Variants in C2CD5 observed in about 807,000 individuals in gnomAD.
The protein encoded by C2CD5 is C2 domain-containing protein 5.
In C2CD5, 109 loss-of-function variants were observed where a neutral mutation model predicts 130.3. The ratio of observed to expected loss-of-function variants is 0.84; its 90% CI spans 0.72 to 0.98. C2CD5 has a LOEUF of 0.98. Among genes scored for constraint, C2CD5 ranks in the 50% least tolerant of loss-of-function variants. C2CD5 has a pLI of 0.00. For synonymous variants in C2CD5, 454 were observed against 429.2 expected, an observed-to-expected ratio of 1.06 and a Z score of -0.71; for missense variants, 996 against 1,261.8, an observed-to-expected ratio of 0.79 and a Z score of 3.19.
At position 22,525,617 on chromosome 12, in the gene C2CD5, G is replaced by C; in HGVS notation, c.438C>G (p.Phe146Leu). 6.7e-7 allele frequency: 1 copy of C among 1,486,034 alleles called. No homozygotes were observed. The highest frequency in any genetic ancestry group is 9.4e-7 in the Non-Finnish European group (1 of 1,064,040). The allele number at this position is 1,486,034 out of a possible 1,614,324, so 92.1% of individuals were successfully genotyped here. ...TAGAATGTATTTACTTACTGCAAAA[G>C]AATTTGACTCCACATGATGACTGCC... ...RFRQSSCGVKFFCTTSIPKCY... is the reference protein window; with the variant it reads ...RFRQSSCGVKLFCTTSIPKCY... Residue 146 changes from phenylalanine (F) to leucine (L), a missense_variant, in exon 5 of 27, where the codon TTC becomes TTG. By Grantham distance (22) the Phe-to-Leu change is conservative. Coordinates refer to ENST00000446597, the MANE Select transcript of C2CD5 (RefSeq NM_001286176.2).
chr12:22,451,157 G>A (rs1938511138), intron 26 of C2CD5, among the ~76,000 whole-genome samples: 1 of 151,782 alleles, frequency 6.6e-6, no homozygotes, highest in Admixed American at 6.6e-5. Context: ...CAGCAGACAA[G>A]GAGAGACTTT....
intron 5 of C2CD5, 82 bp downstream of exon 5, chr12:22,525,528 T>C: frequency 1.3e-6 from 1 of 784,500 alleles, no homozygotes; most frequent in Non-Finnish European, 2.3e-6. Context: ...GCTTTTCTAC[T>C]TGCCTTCTGA....
chr12:22,456,955 A>T lies in C2CD5; in HGVS notation c.2877+16T>A, dbSNP rs776819787. 1.1e-5 allele frequency: 16 copies of T among 1,476,068 alleles called. No individual in the cohort carries two copies. The highest frequency in any genetic ancestry group is 1.4e-5 in the Non-Finnish European group (15 of 1,093,754). The allele number at this position is 1,476,068 out of a possible 1,614,324, so 91.4% of individuals were successfully genotyped here. On this transcript the variant is annotated intron_variant, in intron 25 of 26. Transcript: ENST00000446597. ...AGAAAATTTTTTAAAAAATGAAATA[A>T]CTTCTATAAAATTACCTCCCGAAGA... is the stretch of plus-strand genomic sequence containing the variant.
chr12:22,491,517 T>G (rs1591823248), intron 11 of C2CD5, among the ~76,000 whole-genome samples: 1 of 152,268 alleles, frequency 6.6e-6, no homozygotes, highest in East Asian at 1.9e-4. Context: ...AATCTTAAAA[T>G]TTATTTTACA....
At chr12:22,495,275 T>C (rs1946868673) in intron 10 of C2CD5, among the ~76,000 whole-genome samples, 1 of 152,098 alleles carries the variant, frequency 6.6e-6, no homozygotes, top group South Asian at 2.1e-4. Context: ...CCACAAGTAA[T>C]ACATGGTGGC....
intron 19 of C2CD5, 133 bp from the exon 20 acceptor site, chr12:22,471,621 T>C (rs905994607): frequency 3.9e-6 from 2 of 511,722 alleles, no homozygotes; most frequent in African/African-American, 3.9e-5. Flanking sequence ...TTTTGTTTTG[T>C]GTATTTTTAC....
Position 22,506,835 on chromosome 12 carries a change from A to G in C2CD5, c.1039-16T>C, listed in dbSNP as rs1215054238. The G allele has an allele frequency of 7.0e-7, 1 of 1,432,784 alleles. No individual in the cohort carries two copies. The highest frequency in any genetic ancestry group is 9.9e-7 in the Non-Finnish European group (1 of 1,014,910). 88.8% of individuals were successfully genotyped at this position (1,432,784 alleles called of 1,614,324 possible). On this transcript the variant is annotated splice_polypyrimidine_tract_variant and intron_variant, in intron 9 of 26. Transcript: ENST00000446597. The stretch of plus-strand genomic sequence containing the variant: ...ATGGAAATTCCTAGTGGAAAGAATA[A>G]GGGAAAAATACAACTTATCGTGTGT...
chr12:22,507,059 GA>G (rs1231367406), intron 9 of C2CD5: 50 of 299,170 alleles, frequency 1.7e-4, no homozygotes, highest in South Asian at 2.7e-4. Context: ...TCTCAATGAA[GA>G]AAAAAAAAGT....
In C2CD5 at chr12:22,525,605, CT is replaced by C; in HGVS notation, c.445+4del. The C allele has an allele frequency of 7.5e-7, 1 of 1,335,280 alleles. No homozygotes were observed. Among genetic ancestry groups the C allele is most frequent in the Non-Finnish European group, 1.1e-6 (1 of 926,834 alleles). The allele number at this position is 1,335,280 out of a possible 1,614,324, so 82.7% of individuals were successfully genotyped here. A position where few individuals can be genotyped will look rare whatever the true frequency, so the allele number is the denominator to read the frequency against. ...CCTGTTGAGTAATAGAATGTATTTACTTACTGCAAAAGAATTTGACTCCACA... is the reference window on the plus strand; with the variant it reads ...CCTGTTGAGTAATAGAATGTATTTACTACTGCAAAAGAATTTGACTCCACA... On this transcript the variant is annotated splice_donor_region_variant and intron_variant, in intron 5 of 26. Coordinates refer to ENST00000446597, the MANE Select transcript of C2CD5 (RefSeq NM_001286176.2).
intron 9 of C2CD5, among the ~76,000 whole-genome samples, chr12:22,511,537 G>T (rs1035550451): frequency 3.9e-5 from 6 of 152,130 alleles, no homozygotes; most frequent in Non-Finnish European, 7.4e-5. Context: ...GACTGACAAG[G>T]TTGTAAATGA....
chr12:22,504,260 A>C (rs1948178466), intron 10 of C2CD5, among the ~76,000 whole-genome samples: 1 of 151,834 alleles, frequency 6.6e-6, no homozygotes, highest in Non-Finnish European at 1.5e-5. Context: ...TAGCTTACTC[A>C]GAGTACATGG....
chr12:22,490,069 T>G, intron 12 of C2CD5, 54 bp downstream of exon 12: 1 of 1,323,860 alleles, frequency 7.6e-7, no homozygotes, highest in Non-Finnish European at 1.1e-6. Context: ...AGAAAAAAAG[T>G]CGACCTCTCC....
chr12:22,466,869 CTG>C (rs1232531754), intron 22 of C2CD5, among the ~76,000 whole-genome samples: 1 of 152,136 alleles, frequency 6.6e-6, no homozygotes, highest in Non-Finnish European at 1.5e-5. Flanking sequence ...ATGTGATGGT[CTG>C]ATGATGATGA....
In C2CD5 at chr12:22,482,657, T is replaced by C; in HGVS notation, c.1637A>G (p.His546Arg). 6.2e-7 allele frequency: 1 copy of C among 1,612,614 alleles called. No homozygotes were observed. The highest frequency in any genetic ancestry group is 8.5e-7 in the Non-Finnish European group (1 of 1,178,688). Residue 546 changes from histidine (H) to arginine (R), a missense_variant, in exon 14 of 27, where the codon CAT (histidine) becomes CGT (arginine). By Grantham distance (29) the His-to-Arg change is conservative. Around this residue, in one of 9 missense-constraint regions of C2CD5, gnomAD observed 590 missense variants for 631.4 expected, o/e 0.93. Transcript: ENST00000446597. ...NLLPFMEYEV[H>R]TQLMNKLKLK... ...TTTTAGTTTATTCATTAGCTGAGTA[T>C]GCACTTCATATTCCATAAATGGCAA...
Position 22,457,066 on chromosome 12 carries a change from T to C in C2CD5, c.2782A>G (p.Met928Val), listed in dbSNP as rs1309693117. 2.3e-5 allele frequency: 37 copies of C among 1,612,466 alleles called. No individual in the cohort carries two copies. Among genetic ancestry groups the C allele is most frequent in the Non-Finnish European group, 3.0e-5 (35 of 1,178,896 alleles). ...CANSTVGVVK[M>V]TPLSFIPGAK... ...CCAGGAATAAAAGAAAGAGGTGTCA[T>C]CTTAACAACCCCAACTGTGGAATTT... The change falls in exon 25 of 27, where the codon ATG becomes GTG. Residue 928 changes from methionine to valine, a missense_variant. Around this residue, in one of 9 missense-constraint regions of C2CD5, gnomAD observed 590 missense variants for 631.4 expected, o/e 0.93. Transcript: ENST00000446597.
At chr12:22,501,756 G>A (rs1330057023) in intron 10 of C2CD5, among the ~76,000 whole-genome samples, 1 of 151,990 alleles carries the variant, frequency 6.6e-6, no homozygotes, top group Non-Finnish European at 1.5e-5. Context: ...TCTACATGAT[G>A]AACATGATTT....
In C2CD5 at chr12:22,472,082, A is replaced by G. The variant is rs1266703997; in HGVS notation, c.2170-17T>C. Reference sequence around the variant, plus strand: ...AGTGAACATCTAAATGTGGGGTGACATAACATGTCATTTTATTATTTTTAA... The same window carrying G: ...AGTGAACATCTAAATGTGGGGTGACGTAACATGTCATTTTATTATTTTTAA... On this transcript the variant is annotated splice_polypyrimidine_tract_variant and intron_variant, in intron 18 of 26. Transcript: ENST00000446597. 1.5e-6 allele frequency: 2 copies of G among 1,343,964 alleles called. No homozygotes were observed. Among genetic ancestry groups the G allele is most frequent in the East Asian group, 2.3e-5 (1 of 43,334 alleles). 83.3% of individuals were successfully genotyped at this position (1,343,964 alleles called of 1,614,324 possible).
intron 8 of C2CD5, among the ~76,000 whole-genome samples, chr12:22,514,253 C>T (rs913301322): frequency 3.9e-5 from 6 of 152,074 alleles, no homozygotes; most frequent in Admixed American, 2.0e-4. Context: ...TTTACCACAA[C>T]GACTTAAAAA....
At chr12:22,516,994 T>G (rs1319522834) in intron 8 of C2CD5, among the ~76,000 whole-genome samples, 1 of 151,896 alleles carries the variant, frequency 6.6e-6, no homozygotes, top group Non-Finnish European at 1.5e-5. Flanking sequence ...ATAATTATCT[T>G]TATATTTTAC....
Sources: allele counts gnomAD v4.1 joint callset (sites outside exome capture counted in the v4.1 genomes callset), GRCh38; gene constraint gnomAD v4.1.1; regional missense constraint gnomAD v4.1.1; transcripts MANE v1.5; gene names NCBI Gene and HGNC (gene_info 2026-07-23, HGNC 2026-07-21).